GRB10: variants seen among roughly 807,000 people sequenced by gnomAD.
The protein encoded by GRB10 is growth factor receptor-bound protein 10.
GRB10 carries 20 observed loss-of-function variants against 80.9 expected under a neutral mutation model. The observed-to-expected ratio is 0.25, with a 90% CI of 0.17 to 0.36. The LOEUF (loss-of-function observed/expected upper bound fraction) is 0.36. GRB10 is among the 10% of genes least tolerant of loss of function. GRB10 has a pLI of 1.00. For synonymous variants in GRB10, 291 were observed against 291.5 expected, an observed-to-expected ratio of 1.00 and a Z score of 0.02; for missense variants, 548 against 747.7, an observed-to-expected ratio of 0.73 and a Z score of 3.12.
chr7:50,652,028 CCCCACTTGGAAGGG>C, intron 7 of GRB10, among the ~76,000 whole-genome samples: 1 of 152,338 alleles, frequency 6.6e-6, no homozygotes, highest in East Asian at 1.9e-4. Flanking sequence ...CATGTACTGT[CCCCACTTGGAAGGG>C]CCCTGATCTA....
chr7:50,749,134 G>GTTTTTTTTTTTTTTTTTTTTGTTTTT (rs11405172), intron 3 of GRB10, among the ~76,000 whole-genome samples: 9 of 137,930 alleles, frequency 6.5e-5, no homozygotes, highest in Non-Finnish European at 6.2e-5. Flanking sequence ...TTTTTTGTTT[G>GTTTTTTTTTTTTTTTTTTTTGTTTTT]TTTTTTTTTT....
chr7:50,783,099 G>A (rs938295947), upstream of GRB10, among the ~76,000 whole-genome samples: 1 of 152,236 alleles, frequency 6.6e-6, no homozygotes, highest in Non-Finnish European at 1.5e-5. Context: ...AGCCCTCCAT[G>A]TCTACCCGCT....
chr7:50,705,359 G>A (rs1463773768), intron 4 of GRB10: 3 of 905,338 alleles, frequency 3.3e-6, no homozygotes, highest in Non-Finnish European at 4.0e-6. Context: ...AAAGCCCTAA[G>A]GAAGGGAGAC....
Position 50,623,712 on chromosome 7 carries a change from G to A in GRB10, c.661+3110C>T, listed in dbSNP as rs562199750. On this transcript the variant is annotated intron_variant, in intron 8 of 18. Coordinates refer to ENST00000401949, the MANE Select transcript of GRB10 (RefSeq NM_001350814.2). ...TTCTAAAGCCATCACTTCCTTCTGG[G>A]TATAGAAAAGGTTTAATATTATTAA... Among the ~76,000 whole-genome samples, 9 of 152,280 alleles carry A rather than the reference G, an allele frequency of 5.9e-5. No individual in the cohort carries two copies. In the South Asian group the frequency reaches 1.9e-3, roughly 32 times the overall value.
chr7:50,626,722 G>C, intron 8 of GRB10, 100 bp downstream of exon 8: 1 of 1,359,186 alleles, frequency 7.4e-7, no homozygotes, highest in East Asian at 2.3e-5. Context: ...AATTTCGCAG[G>C]GGACACTGCG....
chr7:50,787,345 T>C (rs1310176111), upstream of GRB10, among the ~76,000 whole-genome samples: 1 of 152,058 alleles, frequency 6.6e-6, no homozygotes, highest in Non-Finnish European at 1.5e-5. Context: ...AATATGGAAG[T>C]ACGTACAGAA....
intron 4 of GRB10, among the ~76,000 whole-genome samples, chr7:50,719,237 A>G (rs1399954617): frequency 1.3e-5 from 2 of 152,260 alleles, no homozygotes; most frequent in Non-Finnish European, 2.9e-5. Context: ...AAAGGGGTCC[A>G]AAAGTGAAGA....
At chr7:50,661,406 T>C (rs1415777232) in intron 7 of GRB10, among the ~76,000 whole-genome samples, 1 of 152,242 alleles carries the variant, frequency 6.6e-6, no homozygotes, top group African/African-American at 2.4e-5. Context: ...TGACTAATTG[T>C]GTTTGAATAA....
chr7:50,640,218 A>C (rs985522374), intron 7 of GRB10, among the ~76,000 whole-genome samples: 1 of 152,236 alleles, frequency 6.6e-6, no homozygotes, highest in Non-Finnish European at 1.5e-5. Flanking sequence ...CTGTTTTCAC[A>C]CATGACTCCT....
intron 1 of GRB10, chr7:50,793,116 C>T (rs2079006803): frequency 6.9e-6 from 1 of 145,204 alleles, no homozygotes; most frequent in Non-Finnish European, 1.5e-5. Flanking sequence ...CCGCGGCCGC[C>T]CAGCGCTCAG....
At chr7:50,639,853 A>G (rs6593080) in intron 7 of GRB10, among the ~76,000 whole-genome samples, 1 of 152,132 alleles carries the variant, frequency 6.6e-6, no homozygotes, top group Non-Finnish European at 1.5e-5. Context: ...CTCATCTGCC[A>G]TTTTTTTAAA....
chr7:50,661,733 C>T (rs1440111046), intron 7 of GRB10, among the ~76,000 whole-genome samples: 1 of 152,166 alleles, frequency 6.6e-6, no homozygotes, highest in Non-Finnish European at 1.5e-5. Flanking sequence ...TCACTGGGGC[C>T]TGTGGGGTCA....
intron 8 of GRB10, 91 bp downstream of exon 8, chr7:50,626,731 C>A (rs2052973975): frequency 3.5e-6 from 5 of 1,430,306 alleles, no homozygotes; most frequent in South Asian, 2.3e-5. Context: ...GGGGACACTG[C>A]GGTCACACAT....
rs142841600 is a variant in GRB10, at chr7:50,722,056, G to T, written c.51+10216C>A. On this transcript the variant is annotated intron_variant, in intron 4 of 18. Transcript: ENST00000401949. The stretch of plus-strand genomic sequence containing the variant: ...GGCCAAAGACAGGCTGAGGAGGCTG[G>T]CCCGGTCACTATGCTACCTCCTATG... Among the ~76,000 whole-genome samples, 292 of 152,292 alleles carry T rather than the reference G, an allele frequency of 1.9e-3. 1 individual carries two copies. The highest frequency in any genetic ancestry group is 6.8e-3 in the African/African-American group (281 of 41,556).
intron 7 of GRB10, among the ~76,000 whole-genome samples, chr7:50,630,129 C>T (rs1196686056): frequency 1.3e-5 from 2 of 152,226 alleles, no homozygotes; most frequent in African/African-American, 4.8e-5. Context: ...CTAAGACTTG[C>T]TTTCCTCATC....
At chr7:50,754,113 T>A (rs1264379690) in intron 3 of GRB10, among the ~76,000 whole-genome samples, 3 of 152,226 alleles carry the variant, frequency 2.0e-5, no homozygotes, top group Non-Finnish European at 4.4e-5. Context: ...ACTCCCTGAT[T>A]CAGCTTCGCA....
chr7:50,790,901 T>C (rs2153717490), intron 1 of GRB10, among the ~76,000 whole-genome samples: 1 of 152,354 alleles, frequency 6.6e-6, no homozygotes, highest in Middle Eastern at 3.4e-3. Context: ...AAAATCAAGT[T>C]CTGAGCTAAC....
At chr7:50,758,462 C>T (rs1165958626) in intron 2 of GRB10, among the ~76,000 whole-genome samples, 1 of 152,226 alleles carries the variant, frequency 6.6e-6, no homozygotes, top group Admixed American at 6.5e-5. Context: ...CAAAGGGCCT[C>T]TTGATTTCTG....
intron 4 of GRB10, among the ~76,000 whole-genome samples, chr7:50,704,984 T>A (rs576044166): frequency 6.6e-6 from 1 of 152,168 alleles, no homozygotes; most frequent in Non-Finnish European, 1.5e-5. Flanking sequence ...AAAAGGCACA[T>A]TGATTTCAAC....
Sources: allele counts gnomAD v4.1 joint callset (sites outside exome capture counted in the v4.1 genomes callset), GRCh38; gene constraint gnomAD v4.1.1; transcripts MANE v1.5; gene names NCBI Gene and HGNC (gene_info 2026-07-23, HGNC 2026-07-21).